The following LINGO2 variants were observed in gnomAD, a reference collection of about 807,000 sequenced individuals.
LINGO2 encodes leucine rich repeat and Ig domain containing 2, also known as leucine-rich repeat and immunoglobulin-like domain-containing nogo receptor-interacting protein 2.
In LINGO2, 14 loss-of-function variants were observed where a neutral mutation model predicts 30.6. The ratio of observed to expected loss-of-function variants is 0.46; its 90% confidence interval spans 0.30 to 0.72. The LOEUF (loss-of-function observed/expected upper bound fraction) is 0.72. Among genes scored for constraint, LINGO2 ranks in the 30% least tolerant of loss-of-function variants. The pLI is 0.07. For synonymous variants in LINGO2, 317 were observed against 288.5 expected, an observed-to-expected ratio of 1.10 and a Z score of -1.00; for missense variants, 729 against 751.7, an observed-to-expected ratio of 0.97 and a Z score of 0.35.
intron 1 of LINGO2, among the ~76,000 whole-genome samples, chr9:28,523,397 A>G (rs1031469127): frequency 7.2e-5 from 11 of 152,154 alleles, no homozygotes; most frequent in Admixed American, 7.2e-4. Context: ...ACCAGAGATA[A>G]GACAAGGATA....
At chr9:29,110,002 G>T in the LINGO2 span, among the ~76,000 whole-genome samples, 1 of 152,084 alleles carries the variant, frequency 6.6e-6, no homozygotes, top group East Asian at 1.9e-4. Context: ...AAAAATGGAG[G>T]ATGTAGAAGA....
At chr9:28,214,425 C>T (rs938394320) in intron 4 of LINGO2, among the ~76,000 whole-genome samples, 1 of 151,446 alleles carries the variant, frequency 6.6e-6, no homozygotes, top group Admixed American at 6.6e-5. Flanking sequence ...TCTGTCTACC[C>T]GAAGAAAATT....
At chr9:28,387,491 C>T (rs537080492) in intron 2 of LINGO2, among the ~76,000 whole-genome samples, 2 of 152,260 alleles carry the variant, frequency 1.3e-5, no homozygotes, top group South Asian at 4.2e-4. Flanking sequence ...TCCTGGGGGC[C>T]CCTTCCACGT....
At chr9:28,133,258 T>A (rs1460577998) in intron 4 of LINGO2, among the ~76,000 whole-genome samples, 1 of 152,224 alleles carries the variant, frequency 6.6e-6, no homozygotes, top group Non-Finnish European at 1.5e-5. Flanking sequence ...AATACATGAA[T>A]AATATATTAC....
intron 2 of LINGO2, among the ~76,000 whole-genome samples, chr9:28,423,606 C>T (rs895178259): frequency 1.3e-5 from 2 of 151,982 alleles, no homozygotes; most frequent in African/African-American, 4.8e-5. Context: ...ATTTATAACT[C>T]CCCATGGTAA....
rs76649852 is a variant in LINGO2, at chr9:28,477,640, A to G, written c.-364-1615T>C. Among the ~76,000 whole-genome samples the G allele has an allele frequency of 8.9e-3, 1,362 of 152,270 alleles. 20 individuals are homozygous for G. The highest frequency in any genetic ancestry group is 0.031 in the African/African-American group (1,278 of 41,552). On this transcript the variant is annotated intron_variant, in intron 1 of 5. Transcript: ENST00000379992. ...CAGGCTAATTATAGCTAATACCCAT[A>G]TAATTCACTTCAATACTCCAATTGA...
the LINGO2 span, among the ~76,000 whole-genome samples, chr9:28,739,024 G>A: frequency 1.3e-5 from 2 of 151,856 alleles, no homozygotes; most frequent in Non-Finnish European, 2.9e-5. Context: ...ACATTTCTAG[G>A]TTCTAATTGA....
chr9:28,556,222 G>A (rs1041412279), intron 1 of LINGO2, among the ~76,000 whole-genome samples: 8 of 152,024 alleles, frequency 5.3e-5, no homozygotes, highest in African/African-American at 1.9e-4. Flanking sequence ...GTTTGCAGAC[G>A]ACATGATTGT....
chr9:28,028,729 G>GT (rs1396338769), intron 4 of LINGO2, among the ~76,000 whole-genome samples: 1 of 152,036 alleles, frequency 6.6e-6, no homozygotes, highest in Non-Finnish European at 1.5e-5. Flanking sequence ...TTGTTATATT[G>GT]TATTTGTGTT....
In LINGO2 at chr9:28,397,380, T is replaced by A. The variant is rs527841088; in HGVS notation, c.-278-24512A>T. On this transcript the variant is annotated intron_variant, in intron 2 of 5. Transcript: ENST00000379992. ...GTATATATATATATATATACATATATATATATACACACATTATGGTATGGA... is the reference window on the plus strand; with the variant it reads ...GTATATATATATATATATACATATAAATATATACACACATTATGGTATGGA... Among the ~76,000 whole-genome samples, 169 of 149,012 alleles carry A rather than the reference T, an allele frequency of 1.1e-3. No individual in the cohort carries two copies. The Middle Eastern group carries it at 0.021, about 19-fold the overall frequency.
chr9:28,255,951 A>G (rs1822369492), intron 4 of LINGO2, among the ~76,000 whole-genome samples: 1 of 152,088 alleles, frequency 6.6e-6, no homozygotes, highest in South Asian at 2.1e-4. Context: ...TGTGGAAACT[A>G]CACACTCTTA....
chr9:28,093,635 G>A (rs1563970459), intron 4 of LINGO2, among the ~76,000 whole-genome samples: 1 of 151,664 alleles, frequency 6.6e-6, no homozygotes, highest in Non-Finnish European at 1.5e-5. Context: ...AAACCCTTTT[G>A]TTCCTGGAAA....
At chr9:27,982,817 A>G (rs1405323295) in intron 5 of LINGO2, among the ~76,000 whole-genome samples, 1 of 151,794 alleles carries the variant, frequency 6.6e-6, no homozygotes, top group Non-Finnish European at 1.5e-5. Flanking sequence ...TCAGCTTCCT[A>G]TTAGTAAACT....
At chr9:28,039,416 G>A (rs1563934873) in intron 4 of LINGO2, among the ~76,000 whole-genome samples, 1 of 152,104 alleles carries the variant, frequency 6.6e-6, no homozygotes, top group East Asian at 1.9e-4. Context: ...TTCTAAAAGA[G>A]GCGCAACTAA....
At chr9:27,987,882 C>A (rs1165563014) in intron 5 of LINGO2, among the ~76,000 whole-genome samples, 1 of 151,946 alleles carries the variant, frequency 6.6e-6, no homozygotes, top group Non-Finnish European at 1.5e-5. Context: ...ACGTTAAGTT[C>A]TAGGGTACAT....
At chr9:27,969,898 C>G (rs1356817727) in intron 5 of LINGO2, among the ~76,000 whole-genome samples, 2 of 152,068 alleles carry the variant, frequency 1.3e-5, no homozygotes, top group African/African-American at 4.8e-5. Context: ...CTCTACCCAT[C>G]TTTGAAAAGC....
chr9:29,117,483 A>T, the LINGO2 span, among the ~76,000 whole-genome samples: 1 of 152,192 alleles, frequency 6.6e-6, no homozygotes, highest in African/African-American at 2.4e-5. Context: ...GACTGATCCT[A>T]CAAGGATTTC....
intron 4 of LINGO2, among the ~76,000 whole-genome samples, chr9:28,106,451 CT>C (rs1251794063): frequency 1.3e-5 from 2 of 152,150 alleles, no homozygotes; most frequent in African/African-American, 4.8e-5. Context: ...TGCCCCACCC[CT>C]AGGGGATACC....
chr9:28,443,754 G>A (rs2135031397), intron 2 of LINGO2, among the ~76,000 whole-genome samples: 1 of 152,300 alleles, frequency 6.6e-6, no homozygotes, highest in Admixed American at 6.5e-5. Flanking sequence ...GGGCCTGTGG[G>A]CGGCCCTCAG....
Sources: gnomAD v4.1 joint callset for allele counts (sites outside exome capture counted in the v4.1 genomes callset) on GRCh38, gnomAD v4.1.1 for gene constraint, MANE v1.5 for transcripts, NCBI Gene and HGNC (gene_info 2026-07-23, HGNC 2026-07-21) for gene names.